Variants in TTLL9 observed in about 807,000 individuals in gnomAD.
TTLL9 encodes tubulin tyrosine ligase like 9.
In TTLL9, 47 loss-of-function variants were observed where a neutral mutation model predicts 65.6. The ratio of observed to expected loss-of-function variants is 0.72; its 90% confidence interval spans 0.57 to 0.91. TTLL9 has a LOEUF of 0.91. Among genes scored for constraint, TTLL9 ranks in the 40% least tolerant of loss-of-function variants. TTLL9 has a pLI of 0.00. For synonymous variants in TTLL9, 179 were observed against 204.8 expected (o/e 0.87, Z 1.07); for missense variants, 537 against 568.8 (o/e 0.94, Z 0.57).
intron 2 of TTLL9, among the ~76,000 whole-genome samples, chr20:31,877,623 T>C (rs1259218191): frequency 6.6e-6 from 1 of 152,224 alleles, no homozygotes; most frequent in Admixed American, 6.5e-5. Flanking sequence ...TTCAACCCTA[T>C]GGAAAGTAAA....
Position 31,925,160 on chromosome 20 carries a change from T to A in TTLL9, c.705+111T>A, listed in dbSNP as rs1211129486. ...CCTTGTGTGAGCTTGTCTGGTTTTA[T>A]CTCTCCCTGGGAGATCCCCGAGGGA... On this transcript the variant is annotated intron_variant, in intron 9 of 14. Transcript: ENST00000535842. The A allele has an allele frequency of 4.2e-6, 5 of 1,188,846 alleles. No homozygotes were observed. The South Asian group carries it at 5.1e-5, about 12-fold the overall frequency. The allele number at this position is 1,188,846 out of a possible 1,614,324, so 73.6% of individuals were successfully genotyped here.
intron 10 of TTLL9, among the ~76,000 whole-genome samples, chr20:31,926,846 C>G (rs1478599538): frequency 6.6e-6 from 1 of 152,114 alleles, no homozygotes; most frequent in Non-Finnish European, 1.5e-5. Flanking sequence ...TGGCTCACAC[C>G]TGTAATTCCA....
intron 12 of TTLL9, among the ~76,000 whole-genome samples, chr20:31,937,147 A>G (rs2064124900): frequency 6.7e-6 from 1 of 148,338 alleles, no homozygotes. Context: ...AGTGGCTCCC[A>G]TCTGTAATCC....
intron 11 of TTLL9, chr20:31,934,407 T>C (rs1414213008): frequency 5.1e-6 from 3 of 590,846 alleles, no homozygotes; most frequent in East Asian, 3.8e-5. Flanking sequence ...GATGCACACA[T>C]GGTCAGTGTG....
intron 4 of TTLL9, among the ~76,000 whole-genome samples, chr20:31,903,772 C>T (rs2063510930): frequency 1.3e-5 from 2 of 152,204 alleles, no homozygotes; most frequent in African/African-American, 4.8e-5. Flanking sequence ...AGCAGTTTTA[C>T]CACCTTTCCC....
intron 6 of TTLL9, among the ~76,000 whole-genome samples, chr20:31,913,933 G>T (rs2063694664): frequency 6.6e-6 from 1 of 152,198 alleles, no homozygotes; most frequent in African/African-American, 2.4e-5. Context: ...GTGCGGGGAG[G>T]CGACTGCTTG....
intron 2 of TTLL9, among the ~76,000 whole-genome samples, chr20:31,872,656 A>T (rs994888588): frequency 2.0e-5 from 3 of 152,212 alleles, no homozygotes; most frequent in African/African-American, 7.2e-5. Context: ...GCACCACTGC[A>T]CTCAAGCCTG....
intron 6 of TTLL9, among the ~76,000 whole-genome samples, chr20:31,912,854 ATAACT>A (rs2063677970): frequency 6.6e-6 from 1 of 152,118 alleles, no homozygotes; most frequent in African/African-American, 2.4e-5. Context: ...ATCAAGGGTG[ATAACT>A]TAAAATTAAT....
chr20:31,918,840 A>C (rs1395787467), intron 6 of TTLL9, among the ~76,000 whole-genome samples: 1 of 152,228 alleles, frequency 6.6e-6, no homozygotes, highest in Non-Finnish European at 1.5e-5. Context: ...CCAGTGCTCC[A>C]TAGAGTTTTT....
rs549382013 is a variant in TTLL9, at chr20:31,874,089, C to T, written c.69+2894C>T. 4.6e-5 allele frequency among the ~76,000 whole-genome samples: 7 copies of T among 152,304 alleles called. No individual in the cohort carries two copies. The East Asian group carries it at 1.3e-3, about 29-fold the overall frequency. The stretch of plus-strand genomic sequence containing the variant: ...GGAAAGAATTCTTTCAAGTTAAAAG[C>T]CCATATGTGTTATTAGACCTAACAT... On this transcript the variant is annotated intron_variant, in intron 2 of 14. Coordinates refer to ENST00000535842, the MANE Select transcript of TTLL9 (RefSeq NM_001008409.5).
Position 31,923,063 on chromosome 20 carries a change from C to G in TTLL9, c.664+10C>G, listed in dbSNP as rs1358452051. 1.3e-6 allele frequency: 2 copies of G among 1,597,426 alleles called. No homozygotes were observed. Among genetic ancestry groups the G allele is most frequent in the African/African-American group, 2.7e-5 (2 of 74,564 alleles). On this transcript the variant is annotated intron_variant, in intron 8 of 14. Transcript: ENST00000535842. ...CCTTACCTGATAGGAGGTGAGATGG[C>G]TGTGTCTGCTCCTGCTCTTCCATTG...
At chr20:31,891,616 A>C (rs916933841) in intron 3 of TTLL9, among the ~76,000 whole-genome samples, 1 of 150,312 alleles carries the variant, frequency 6.7e-6, no homozygotes, top group Non-Finnish European at 1.5e-5. Context: ...CTGGGATTAC[A>C]GGCATGAGCC....
rs1363811493 is a variant in TTLL9, at chr20:31,937,488, A to T, written c.1097A>T (p.His366Leu). ...LKTCLLEDTLHVVDMEARLTG... is the reference protein window; with the variant it reads ...LKTCLLEDTLLVVDMEARLTG... ...ACCTGCCTCCTGGAAGACACCCTGC[A>T]TGTTGTGGACATGGAAGCGAGGTGA... Residue 366 changes from histidine to leucine, a missense_variant, in exon 13 of 15, where the codon CAT becomes CTT. His to Leu is a moderately conservative substitution (Grantham distance 99, BLOSUM62 -3). Coordinates refer to ENST00000535842, the MANE Select transcript of TTLL9 (RefSeq NM_001008409.5). 1 of 1,613,646 alleles carries T rather than the reference A, an allele frequency of 6.2e-7. No homozygotes were observed. Among genetic ancestry groups the T allele is most frequent in the East Asian group, 2.2e-5 (1 of 44,856 alleles).
intron 6 of TTLL9, among the ~76,000 whole-genome samples, chr20:31,916,515 A>G (rs2063735625): frequency 6.6e-6 from 1 of 152,208 alleles, no homozygotes; most frequent in Admixed American, 6.5e-5. Context: ...AGTCATGTCA[A>G]GTTACTAACA....
chr20:31,895,813 G>T (rs916436374), intron 3 of TTLL9, among the ~76,000 whole-genome samples: 37 of 148,064 alleles, frequency 2.5e-4, no homozygotes, highest in African/African-American at 7.0e-4. Flanking sequence ...GGTTATTCAT[G>T]TATTTATTTA....
intron 3 of TTLL9, among the ~76,000 whole-genome samples, chr20:31,893,098 G>C (rs1307903660): frequency 6.6e-6 from 1 of 150,414 alleles, no homozygotes; most frequent in Non-Finnish European, 1.5e-5. Flanking sequence ...CTTATAGTGT[G>C]GATCTGTTGG....
chr20:31,926,139 G>C, intron 10 of TTLL9, 48 bp downstream of exon 10: 1 of 1,359,394 alleles, frequency 7.4e-7, no homozygotes, highest in Non-Finnish European at 1.1e-6. Context: ...CCAGTTTTGT[G>C]GGGGTGATTC....
intron 5 of TTLL9, 56 bp downstream of exon 5, chr20:31,908,758 C>T: frequency 7.4e-7 from 1 of 1,346,988 alleles, no homozygotes; most frequent in Non-Finnish European, 1.1e-6. Context: ...CTGGGTGTGG[C>T]CATGAGCTGG....
At chr20:31,938,049 T>A (rs1021420872) in intron 13 of TTLL9, 4 of 401,904 alleles carry the variant, frequency 1.0e-5, no homozygotes, top group Non-Finnish European at 2.0e-5. Flanking sequence ...TCTCTGTTTC[T>A]CTCTCTCTCC....
Sources: gnomAD v4.1 joint callset for allele counts (sites outside exome capture counted in the v4.1 genomes callset) on GRCh38, gnomAD v4.1.1 for gene constraint, MANE v1.5 for transcripts, NCBI Gene and HGNC (gene_info 2026-07-23, HGNC 2026-07-21) for gene names.